CRHR2: variants seen among roughly 807,000 people sequenced by gnomAD.
CRHR2 encodes corticotropin-releasing hormone receptor 2.
A neutral mutation model predicts 57.9 loss-of-function variants in CRHR2; 53 were observed. The observed-to-expected ratio is 0.92, with a 90% CI of 0.73 to 1.15. The LOEUF (loss-of-function observed/expected upper bound fraction) is 1.15. CRHR2 is among the 50% of genes most tolerant of loss of function. The probability of loss-of-function intolerance (pLI) is 0.00; values close to 1 mark genes in which losing one functional copy is unlikely to be tolerated. For synonymous variants in CRHR2, 213 were observed against 220.9 expected (o/e 0.96, Z 0.32); for missense variants, 532 against 542.6 (o/e 0.98, Z 0.19).
At chr7:30,692,069 GC>G (rs1176083298) in intron 1 of CRHR2, among the ~76,000 whole-genome samples, 4 of 152,204 alleles carry the variant, frequency 2.6e-5, no homozygotes, top group African/African-American at 9.7e-5. Context: ...AGTTCTCTGA[GC>G]CTTGATCTCC....
upstream of CRHR2, chr7:30,682,548 G>A (rs1167602801): frequency 3.3e-6 from 4 of 1,226,022 alleles, no homozygotes; most frequent in Non-Finnish European, 4.1e-6. Context: ...GGGCGGGGCC[G>A]GGCGGCTCCT....
chr7:30,660,646 C>T lies in CRHR2; in HGVS notation c.759-1G>A, dbSNP rs1396343531. The T allele has an allele frequency of 1.9e-6, 3 of 1,565,370 alleles. No homozygotes were observed. The highest frequency in any genetic ancestry group is 2.7e-5 in the African/African-American group (2 of 74,058). ...GCCAGGCTCCTTGCCAAACCAGCACCTGTGAAGATGGGGTGGCTGTAGGGG... is the reference window on the plus strand; with the variant it reads ...GCCAGGCTCCTTGCCAAACCAGCACTTGTGAAGATGGGGTGGCTGTAGGGG... On this transcript the variant is annotated splice_acceptor_variant, in intron 7 of 11. Coordinates refer to ENST00000471646, the MANE Select transcript of CRHR2 (RefSeq NM_001883.5). LOFTEE classifies it high-confidence loss of function.
At chr7:30,670,783 G>C (rs1584108483) in intron 2 of CRHR2, among the ~76,000 whole-genome samples, 1 of 152,248 alleles carries the variant, frequency 6.6e-6, no homozygotes, top group Non-Finnish European at 1.5e-5. Context: ...TGGATGCAGA[G>C]AGGTGGGTGC....
intron 2 of CRHR2, among the ~76,000 whole-genome samples, chr7:30,672,276 G>A (rs1178601162): frequency 6.6e-6 from 1 of 152,234 alleles, no homozygotes; most frequent in Non-Finnish European, 1.5e-5. Flanking sequence ...ATGCTAGGCT[G>A]GGATTGATCT....
At chr7:30,692,875 G>A (rs892760153) in intron 1 of CRHR2, among the ~76,000 whole-genome samples, 2 of 152,214 alleles carry the variant, frequency 1.3e-5, no homozygotes, top group African/African-American at 2.4e-5. Flanking sequence ...AGGGGCAGAG[G>A]CAAGATTCAA....
Position 30,689,193 on chromosome 7 carries a change from G to A in CRHR2, c.-169C>T. ...GGGTGGTGGCAGAGGGTACCTACCTGAGAGGTTGGTGAGGGTCATGATGGT... is the reference window on the plus strand; with the variant it reads ...GGGTGGTGGCAGAGGGTACCTACCTAAGAGGTTGGTGAGGGTCATGATGGT... On this transcript the variant is annotated splice_region_variant and 5_prime_UTR_variant, in exon 2 of 14. Transcript: ENST00000341843. 2.6e-6 allele frequency: 4 copies of A among 1,549,550 alleles called. No individual in the cohort carries two copies. In the East Asian group the frequency reaches 9.8e-5, roughly 38 times the overall value.
At chr7:30,663,936 G>A (rs896724954) in intron 5 of CRHR2, among the ~76,000 whole-genome samples, 2 of 152,212 alleles carry the variant, frequency 1.3e-5, no homozygotes, top group African/African-American at 4.8e-5. Context: ...CTCCTGTGCT[G>A]AGCTGTTGGC....
chr7:30,674,753 C>G (rs995810835), intron 2 of CRHR2, among the ~76,000 whole-genome samples: 1 of 152,112 alleles, frequency 6.6e-6, no homozygotes, highest in African/African-American at 2.4e-5. Flanking sequence ...CCACAGAGTT[C>G]TGGGGGCTCT....
In CRHR2 at chr7:30,653,597, G is replaced by T. The variant is rs151248954; in HGVS notation, c.1099C>A (p.Arg367Ser). 2 of 1,608,950 alleles carry T rather than the reference G, an allele frequency of 1.2e-6. No homozygotes were observed. Among genetic ancestry groups the T allele is most frequent in the South Asian group, 1.1e-5 (1 of 90,818 alleles). Residue 367 changes from arginine to serine, a missense_variant, in exon 12 of 12, where the codon CGC becomes AGC. Physicochemically the swap from Arg to Ser is moderately radical, Grantham distance 110. Coordinates refer to ENST00000471646, the MANE Select transcript of CRHR2 (RefSeq NM_001883.5). The surrounding 1 kb of genome is among the most constrained non-coding windows in gnomAD (Gnocchi z 5.0). ...VFYCFFNGEV[R>S]SAVRKRWHRW... Reference sequence around the variant, plus strand: ...TGCCACCTCTTCCTCACGGCTGAGCGCACCTGTGGGGAAGGCAGAGGCTCA... The same window carrying T: ...TGCCACCTCTTCCTCACGGCTGAGCTCACCTGTGGGGAAGGCAGAGGCTCA...
chr7:30,690,111 C>G (rs985868064), intron 1 of CRHR2, among the ~76,000 whole-genome samples: 1 of 152,180 alleles, frequency 6.6e-6, no homozygotes, highest in Non-Finnish European at 1.5e-5. Context: ...GGCATGTGCA[C>G]CCGTGAAGGG....
intron 11 of CRHR2, chr7:30,654,826 G>A (rs1036082021): frequency 4.6e-5 from 71 of 1,540,900 alleles, no homozygotes; most frequent in Admixed American, 9.8e-5. Context: ...CACATGTGGG[G>A]TGCTGGCATG....
chr7:30,673,446 G>A (rs1784426073), intron 2 of CRHR2, among the ~76,000 whole-genome samples: 1 of 151,780 alleles, frequency 6.6e-6, no homozygotes. Flanking sequence ...TCAAACTCCT[G>A]GCCTCAAGTG....
chr7:30,676,392 G>A (rs1457393935), intron 2 of CRHR2, among the ~76,000 whole-genome samples: 4 of 152,270 alleles, frequency 2.6e-5, no homozygotes, highest in African/African-American at 7.2e-5. Context: ...ATCAGGTCTC[G>A]CTGGAGTCTG....
At chr7:30,662,108 C>G (rs747542506) in intron 7 of CRHR2, 48 bp downstream of exon 7, 4 of 1,602,076 alleles carry the variant, frequency 2.5e-6, no homozygotes, top group Non-Finnish European at 3.4e-6. Context: ...TGTCCTAACA[C>G]CCCCATTCCC....
chr7:30,683,839 T>TA (rs2128149329), upstream of CRHR2, among the ~76,000 whole-genome samples: 1 of 152,280 alleles, frequency 6.6e-6, no homozygotes, highest in South Asian at 2.1e-4. Flanking sequence ...ATCCTCCACA[T>TA]AAACCTAAGC....
chr7:30,660,461 AGT>A, intron 8 of CRHR2, 110 bp downstream of exon 8: 2 of 1,081,768 alleles, frequency 1.8e-6, no homozygotes, highest in Non-Finnish European at 2.7e-6. Context: ...TGGCATATAG[AGT>A]GTGTGCGCAG....
intron 5 of CRHR2, among the ~76,000 whole-genome samples, chr7:30,664,027 C>A (rs967244170): frequency 6.6e-6 from 1 of 152,200 alleles, no homozygotes; most frequent in Non-Finnish European, 1.5e-5. Context: ...TGGGAAGCTA[C>A]CAAGCCCCTC....
chr7:30,666,304 T>A (rs1784183594), intron 3 of CRHR2, among the ~76,000 whole-genome samples: 1 of 152,214 alleles, frequency 6.6e-6, no homozygotes. Context: ...GGGGGTGCAC[T>A]GTCTATAGAG....
intron 2 of CRHR2, among the ~76,000 whole-genome samples, chr7:30,672,263 C>T (rs1784386317): frequency 6.6e-6 from 1 of 152,230 alleles, no homozygotes; most frequent in Non-Finnish European, 1.5e-5. Context: ...GACTGCCTGG[C>T]TCATGCTAGG....
Sources: gnomAD v4.1 joint callset for allele counts (sites outside exome capture counted in the v4.1 genomes callset) on GRCh38, gnomAD v4.1.1 for gene constraint, Gnocchi (gnomAD v3.1) non-coding constraint, MANE v1.5 for transcripts, NCBI Gene and HGNC (gene_info 2026-07-23, HGNC 2026-07-21) for gene names.